The following MYT1L variants were observed in gnomAD, a reference collection of about 807,000 sequenced individuals.
MYT1L encodes the protein myelin transcription factor 1 like.
MYT1L carries 12 observed loss-of-function variants against 126.7 expected under a neutral mutation model. That is an observed-to-expected ratio of 0.09 (90% CI 0.06 to 0.15). The LOEUF is 0.15. MYT1L is among the 10% of genes least tolerant of loss of function. The pLI, the probability that MYT1L is intolerant of heterozygous loss-of-function variation, is 1.00. For synonymous variants in MYT1L, 541 were observed against 604.2 expected (o/e 0.90, Z 1.53); for missense variants, 979 against 1,585.2 (o/e 0.62, Z 6.49).
At chr2:2,225,738 G>A (rs561234917) in intron 2 of MYT1L, among the ~76,000 whole-genome samples, 3 of 152,064 alleles carry the variant, frequency 2.0e-5, no homozygotes, top group Non-Finnish European at 2.9e-5. Context: ...TAATTAGAGT[G>A]GGTAGCTAGG....
At chr2:2,127,301 G>A (rs2081841704) in intron 3 of MYT1L, among the ~76,000 whole-genome samples, 2 of 152,268 alleles carry the variant, frequency 1.3e-5, no homozygotes, top group South Asian at 4.1e-4. Context: ...GTGCAATTAT[G>A]CACACACACT....
chr2:2,276,884 C>T (rs2095368178), intron 2 of MYT1L, among the ~76,000 whole-genome samples: 1 of 152,226 alleles, frequency 6.6e-6, no homozygotes, highest in African/African-American at 2.4e-5. Flanking sequence ...AGGAACACTC[C>T]TGTCCCCAGA....
At chr2:1,840,939 T>C (rs1349822026) in intron 19 of MYT1L, 96 bp from the exon 20 acceptor site, 49 of 837,274 alleles carry the variant, frequency 5.9e-5, no homozygotes, top group Non-Finnish European at 8.8e-5. Context: ...AGTCTCACTC[T>C]GTCACCCAGG....
chr2:1,832,443 T>C (rs1412567891), intron 21 of MYT1L, among the ~76,000 whole-genome samples: 2 of 152,168 alleles, frequency 1.3e-5, no homozygotes, highest in African/African-American at 4.8e-5. Context: ...TTCCTTGTGT[T>C]CCCAACTGCC....
In MYT1L at chr2:1,863,147, A is replaced by T. The variant is rs532578793; in HGVS notation, c.2712-11444T>A. ...CTGCTCTGAACTCTTGGAGAGAAAA[A>T]CAGGGCCTGCTTCCTTGAGGCTCTC... is the stretch of plus-strand genomic sequence containing the variant. On this transcript the variant is annotated intron_variant, in intron 18 of 24. Transcript: ENST00000647738. Among the ~76,000 whole-genome samples the T allele has an allele frequency of 3.3e-5, 5 of 152,216 alleles. No homozygotes were observed. The South Asian group carries it at 1.0e-3, about 32-fold the overall frequency.
At chr2:2,001,730 T>C (rs767012448) in intron 4 of MYT1L, among the ~76,000 whole-genome samples, 4 of 152,204 alleles carry the variant, frequency 2.6e-5, no homozygotes, top group African/African-American at 4.8e-5. Context: ...CAGGCAAAAG[T>C]AAAATAGGGA....
chr2:1,884,684 T>C (rs900290402), intron 18 of MYT1L, among the ~76,000 whole-genome samples: 2 of 152,230 alleles, frequency 1.3e-5, no homozygotes, highest in African/African-American at 4.8e-5. Flanking sequence ...CAGAATAGGA[T>C]TGACTTTTTG....
At chr2:2,199,251 T>C (rs2092954274) in intron 2 of MYT1L, among the ~76,000 whole-genome samples, 1 of 152,180 alleles carries the variant, frequency 6.6e-6, no homozygotes, top group Non-Finnish European at 1.5e-5. Flanking sequence ...AAACATTCTT[T>C]TTGATAGGAG....
At chr2:2,172,353 C>T (rs1340996109) in intron 3 of MYT1L, among the ~76,000 whole-genome samples, 1 of 152,180 alleles carries the variant, frequency 6.6e-6, no homozygotes, top group African/African-American at 2.4e-5. Flanking sequence ...CTGGCCACCC[C>T]GAGGCATCCT....
intron 14 of MYT1L, among the ~76,000 whole-genome samples, chr2:1,902,389 C>A (rs892024128): frequency 6.6e-6 from 1 of 152,218 alleles, no homozygotes; most frequent in Admixed American, 6.5e-5. Context: ...CCGGCAGCAC[C>A]CCAGGCTGGG....
intron 9 of MYT1L, among the ~76,000 whole-genome samples, chr2:1,925,744 C>T (rs1221251261): frequency 6.6e-6 from 1 of 152,140 alleles, no homozygotes; most frequent in Admixed American, 6.5e-5. Flanking sequence ...GGGCACGGTT[C>T]GTCCTCATAC....
intron 4 of MYT1L, among the ~76,000 whole-genome samples, chr2:2,027,742 C>T (rs1403753118): frequency 6.6e-6 from 1 of 152,152 alleles, no homozygotes; most frequent in African/African-American, 2.4e-5. Flanking sequence ...CGATACTGGG[C>T]CACCTGGGTG....
intron 4 of MYT1L, among the ~76,000 whole-genome samples, chr2:2,014,473 A>T (rs1219884532): frequency 6.6e-6 from 1 of 152,054 alleles, no homozygotes; most frequent in Admixed American, 6.5e-5. Flanking sequence ...AGCAGACCAG[A>T]GTCAAAGGAG....
At position 1,793,213 on chromosome 2, in the gene MYT1L, C is replaced by T. The variant is rs958688467; in HGVS notation, c.3277-749G>A. On this transcript the variant is annotated intron_variant, in intron 23 of 24. Coordinates refer to ENST00000647738, the MANE Select transcript of MYT1L (RefSeq NM_001303052.2). This position sits in a 1 kb window ranked among gnomAD's most constrained non-coding sequence, Gnocchi z 4.6. ...TTTCTCTAAGGAAAAAGGCCCACCA[C>T]GGACCCTTCCTCGCATATTCCAGAG... Among the ~76,000 whole-genome samples the T allele has an allele frequency of 2.0e-5, 3 of 152,206 alleles. No homozygotes were observed. The highest frequency in any genetic ancestry group is 4.8e-5 in the African/African-American group (2 of 41,460).
At chr2:2,008,958 C>T (rs780676858) in intron 4 of MYT1L, among the ~76,000 whole-genome samples, 21 of 151,952 alleles carry the variant, frequency 1.4e-4, no homozygotes, top group Admixed American at 2.0e-4. Flanking sequence ...CCCATTGTGT[C>T]CTCTTGGTGA....
At chr2:1,860,311 C>CA (rs879771594) in intron 18 of MYT1L, among the ~76,000 whole-genome samples, 49 of 148,162 alleles carry the variant, frequency 3.3e-4, no homozygotes, top group African/African-American at 5.2e-4. Flanking sequence ...AGGACCCATG[C>CA]AAAAAAAAAA....
chr2:2,208,748 AT>A (rs1350045772), intron 2 of MYT1L, among the ~76,000 whole-genome samples: 1 of 152,116 alleles, frequency 6.6e-6, no homozygotes. Flanking sequence ...TTTAATCTCT[AT>A]TTTTAAGTTT....
chr2:2,038,772 T>A, intron 4 of MYT1L, among the ~76,000 whole-genome samples: 1 of 151,946 alleles, frequency 6.6e-6, no homozygotes, highest in Non-Finnish European at 1.5e-5. Context: ...TGTCCAGCTG[T>A]CCCTCACACA....
At chr2:2,068,918 T>C (rs1394443036) in intron 3 of MYT1L, among the ~76,000 whole-genome samples, 1 of 151,974 alleles carries the variant, frequency 6.6e-6, no homozygotes, top group African/African-American at 2.4e-5. Context: ...TCTATGAATC[T>C]GATTTTAAAA....
Sources: gnomAD v4.1 joint callset for allele counts (sites outside exome capture counted in the v4.1 genomes callset) on GRCh38, gnomAD v4.1.1 for gene constraint, Gnocchi (gnomAD v3.1) non-coding constraint, MANE v1.5 for transcripts, NCBI Gene and HGNC (gene_info 2026-07-23, HGNC 2026-07-21) for gene names.